Variants in PACSIN2 observed in about 807,000 individuals in gnomAD.
The protein encoded by PACSIN2 is protein kinase C and casein kinase substrate in neurons protein 2.
Under a neutral mutation model 63.8 loss-of-function variants are expected in PACSIN2, and 25 were observed. That is an observed-to-expected ratio of 0.39 (90% CI 0.29 to 0.55). The LOEUF is 0.55. Among genes scored for constraint, PACSIN2 ranks in the 20% least tolerant of loss-of-function variants. The pLI is 0.62. For missense variants in PACSIN2, 518 were observed against 646.9 expected, an observed-to-expected ratio of 0.80 and a Z score of 2.16; for synonymous variants, 255 against 256.2, an observed-to-expected ratio of 1.00 and a Z score of 0.05.
In PACSIN2 at chr22:42,875,365, GTTAT is replaced by G. The variant is rs141039354; in HGVS notation, c.1348+768_1348+771del. 9.6e-3 allele frequency among the ~76,000 whole-genome samples: 1,462 copies of G among 152,134 alleles called. 17 individuals carry two copies. Among genetic ancestry groups the G allele is most frequent in the African/African-American group, 0.033 (1,354 of 41,486 alleles). ...GACAGGATCTCGCTCTGTTGCCCAG[GTTAT>G]TTATTTGTTTGTTTGTTTGCGACAG... On this transcript the variant is annotated intron_variant, in intron 10 of 10. Transcript: ENST00000263246.
chr22:42,900,666 T>C (rs1339738025), intron 2 of PACSIN2, among the ~76,000 whole-genome samples: 1 of 152,076 alleles, frequency 6.6e-6, no homozygotes, highest in Non-Finnish European at 1.5e-5. Context: ...TAGAGACAGG[T>C]TCTTACTATG....
intron 1 of PACSIN2, among the ~76,000 whole-genome samples, chr22:42,993,450 C>CAGAATA (rs1276412908): frequency 2.6e-5 from 4 of 152,142 alleles, no homozygotes; most frequent in African/African-American, 9.7e-5. Context: ...AATTTGAAGG[C>CAGAATA]AGAATAACAT....
chr22:42,904,405 T>G (rs914579900), intron 2 of PACSIN2, among the ~76,000 whole-genome samples: 1 of 152,166 alleles, frequency 6.6e-6, no homozygotes, highest in Non-Finnish European at 1.5e-5. Context: ...GGCTGCCGTT[T>G]TTGCTCTCCC....
Position 42,891,082 on chromosome 22 carries a change from G to A in PACSIN2, c.318C>T (p.Asn106=), listed in dbSNP as rs1424043979. 1.5e-5 allele frequency: 24 copies of A among 1,613,978 alleles called. No homozygotes were observed. Among genetic ancestry groups the A allele is most frequent in the South Asian group, 3.3e-5 (3 of 91,088 alleles). ...LHLEVKASLM[N]DDFEKIKNWQ... ...AGTTCTTGATCTTCTCGAAGTCATC[G>A]TTCATCAGTGAGGCCTTCACCTCGA... Residue 106 remains asparagine, a synonymous_variant, in exon 4 of 11, where the codon AAC becomes AAT. Coordinates refer to ENST00000263246, the MANE Select transcript of PACSIN2 (RefSeq NM_001184970.3).
At chr22:42,970,160 T>C (rs1921144378) in intron 1 of PACSIN2, among the ~76,000 whole-genome samples, 2 of 152,044 alleles carry the variant, frequency 1.3e-5, no homozygotes. Context: ...GGATCAGCAA[T>C]CTTTTGGGGA....
chr22:42,919,633 T>C (rs958150459), intron 1 of PACSIN2, among the ~76,000 whole-genome samples: 34 of 151,158 alleles, frequency 2.2e-4, no homozygotes, highest in African/African-American at 8.3e-4. Flanking sequence ...ATTAGCTGGG[T>C]GTGGTAGCAT....
At chr22:42,880,668 C>G (rs1929002925) in intron 7 of PACSIN2, 1 of 152,240 alleles carries the variant, frequency 6.6e-6, no homozygotes, top group Non-Finnish European at 1.5e-5. Context: ...TAGAGAAAGG[C>G]ATGGTCCCGT....
intron 1 of PACSIN2, among the ~76,000 whole-genome samples, chr22:42,925,458 C>T (rs1469373410): frequency 1.3e-5 from 2 of 148,402 alleles, no homozygotes; most frequent in Non-Finnish European, 3.0e-5. Flanking sequence ...CCAGCCTGGG[C>T]GACAGAGCAA....
intron 1 of PACSIN2, among the ~76,000 whole-genome samples, chr22:43,013,174 G>C (rs1158580466): frequency 6.6e-6 from 1 of 152,242 alleles, no homozygotes; most frequent in Non-Finnish European, 1.5e-5. Context: ...AGCAGCACGA[G>C]CTAAGGATAC....
Position 42,871,366 on chromosome 22 carries a change from C to T in PACSIN2, c.1452G>A (p.Ala484=), listed in dbSNP as rs1365313886. 8.7e-6 allele frequency: 14 copies of T among 1,610,884 alleles called. No individual in the cohort carries two copies. Among genetic ancestry groups the T allele is most frequent in the East Asian group, 2.2e-5 (1 of 44,878 alleles). Reference sequence around the variant, plus strand: ...GCCTGTCCCCGACTCATCACTGGATCGCCTCCACATAATTTGCCGGGTATA... The same window carrying T: ...GCCTGTCCCCGACTCATCACTGGATTGCCTCCACATAATTTGCCGGGTATA... ...VGLYPANYVE[A]IQ Residue 484 remains alanine, a synonymous_variant, in exon 11 of 11, where the codon GCG becomes GCA. Coordinates refer to ENST00000263246, the MANE Select transcript of PACSIN2 (RefSeq NM_001184970.3). The surrounding 1 kb of genome is among the most constrained non-coding windows in gnomAD (Gnocchi z 5.4).
intron 2 of PACSIN2, among the ~76,000 whole-genome samples, chr22:42,906,877 CCA>C (rs1368115312): frequency 6.6e-6 from 1 of 152,222 alleles, no homozygotes; most frequent in Non-Finnish European, 1.5e-5. Context: ...AAAAAAAGTA[CCA>C]CACACAATTT....
At chr22:42,936,405 A>C (rs776325332) in intron 1 of PACSIN2, among the ~76,000 whole-genome samples, 30 of 152,296 alleles carry the variant, frequency 2.0e-4, no homozygotes, top group Non-Finnish European at 3.2e-4. Flanking sequence ...ATGACCCCGG[A>C]CTTAGCACAA....
In PACSIN2 at chr22:42,887,887, C is replaced by T. The variant is rs779364248; in HGVS notation, c.609+756G>A. Among the ~76,000 whole-genome samples the T allele has an allele frequency of 4.6e-5, 7 of 152,166 alleles. 1 individual carries two copies. The highest frequency in any genetic ancestry group is 1.3e-4 in the Admixed American group (2 of 15,276). ...CCCATGATGCCACAGTGCCTGGTCACGGTCTCTCCTTGGCCAAAGACCACC... is the reference window on the plus strand; with the variant it reads ...CCCATGATGCCACAGTGCCTGGTCATGGTCTCTCCTTGGCCAAAGACCACC... On this transcript the variant is annotated intron_variant, in intron 5 of 10. Transcript: ENST00000263246.
At chr22:42,927,607 G>C (rs538908996) in intron 1 of PACSIN2, among the ~76,000 whole-genome samples, 1 of 151,818 alleles carries the variant, frequency 6.6e-6, no homozygotes, top group East Asian at 1.9e-4. Context: ...TTATTTTTGA[G>C]ACTGAGTTTT....
At chr22:42,934,973 T>A (rs955750862) in intron 1 of PACSIN2, among the ~76,000 whole-genome samples, 1 of 152,090 alleles carries the variant, frequency 6.6e-6, no homozygotes, top group African/African-American at 2.4e-5. Context: ...TGGAGTGCAG[T>A]GGCGCAATCT....
chr22:42,950,233 C>G (rs919866905), intron 1 of PACSIN2, among the ~76,000 whole-genome samples: 1 of 151,928 alleles, frequency 6.6e-6, no homozygotes, highest in African/African-American at 2.4e-5. Flanking sequence ...TTAAAGAATA[C>G]TGAAGAGTAT....
chr22:42,980,072 T>TA lies in PACSIN2; in HGVS notation c.-78+34948dup, dbSNP rs527709387. Among the ~76,000 whole-genome samples the TA allele has an allele frequency of 2.7e-3, 395 of 148,792 alleles. 1 individual carries two copies. Among genetic ancestry groups the TA allele is most frequent in the African/African-American group, 9.2e-3 (372 of 40,590 alleles). On this transcript the variant is annotated intron_variant, in intron 1 of 10. Transcript: ENST00000263246. Reference sequence around the variant, plus strand: ...GTTTCTATTAAAACAAGTTGTTAATTAAAAAAAAAAGAAAGAAAGAAACAA... The same window carrying TA: ...GTTTCTATTAAAACAAGTTGTTAATTAAAAAAAAAAAGAAAGAAAGAAACAA...
chr22:43,012,738 C>T (rs555413810), intron 1 of PACSIN2, among the ~76,000 whole-genome samples: 4 of 152,160 alleles, frequency 2.6e-5, no homozygotes, highest in Admixed American at 6.5e-5. Context: ...CCGCAACCTC[C>T]GCCTCCTGGG....
intron 4 of PACSIN2, among the ~76,000 whole-genome samples, chr22:42,889,663 G>T (rs952417455): frequency 6.6e-6 from 1 of 152,126 alleles, no homozygotes; most frequent in Non-Finnish European, 1.5e-5. Context: ...ACATCTGGGT[G>T]TTGGGGGTGG....
Sources: allele counts gnomAD v4.1 joint callset (sites outside exome capture counted in the v4.1 genomes callset), GRCh38; gene constraint gnomAD v4.1.1; non-coding constraint Gnocchi (gnomAD v3.1); transcripts MANE v1.5; gene names NCBI Gene and HGNC (gene_info 2026-07-23, HGNC 2026-07-21).